Variants in CHIC1 observed in about 807,000 individuals in gnomAD.
CHIC1 encodes the protein cysteine-rich hydrophobic domain-containing protein 1.
CHIC1 carries 7 observed loss-of-function variants against 18.5 expected under a neutral mutation model. The ratio of observed to expected loss-of-function variants is 0.38; its 90% CI spans 0.22 to 0.71. The LOEUF (loss-of-function observed/expected upper bound fraction) is 0.71, where lower values mean the gene tolerates loss of function less well. CHIC1 is among the 30% of genes least tolerant of loss of function. The probability of loss-of-function intolerance (pLI) is 0.49; values close to 1 mark genes in which losing one functional copy is unlikely to be tolerated. For synonymous variants in CHIC1, 77 were observed against 73.5 expected (o/e 1.05, Z -0.25); for missense variants, 159 against 176.9 (o/e 0.90, Z 0.57).
intron 3 of CHIC1, among the ~76,000 whole-genome samples, chrX:73,652,032 AAGAC>A (rs1196224051): frequency 3.6e-5 from 4 of 111,610 alleles, no homozygotes; most frequent in African/African-American, 6.5e-5. Flanking sequence ...TACTGGTACC[AAGAC>A]AGACAGACCA....
intron 3 of CHIC1, among the ~76,000 whole-genome samples, chrX:73,677,597 A>G (rs2058073898): frequency 8.9e-6 from 1 of 111,886 alleles, no homozygotes; most frequent in Non-Finnish European, 1.9e-5. Context: ...AAAGCGCAGT[A>G]TTTGGGTGGG....
intron 3 of CHIC1, among the ~76,000 whole-genome samples, chrX:73,597,103 C>T (rs1384991530): frequency 8.9e-6 from 1 of 111,826 alleles, no homozygotes; most frequent in Non-Finnish European, 1.9e-5. Flanking sequence ...ACATTCCTAC[C>T]AGCAATGCAG....
chrX:73,680,463 T>G lies in CHIC1; in HGVS notation c.625-492T>G, dbSNP rs191786698. On this transcript the variant is annotated intron_variant, in intron 5 of 5. Transcript: ENST00000373502. ...ATTATGTTTTCAAACCTTTTGTAATTAATATGTTTTACTCAATCCATTTGG... is the reference window on the plus strand; with the variant it reads ...ATTATGTTTTCAAACCTTTTGTAATGAATATGTTTTACTCAATCCATTTGG... Among the ~76,000 whole-genome samples the G allele has an allele frequency of 3.6e-4, 40 of 111,642 alleles. 1 individual carries two copies. The East Asian group carries it at 0.011, about 30-fold the overall frequency.
intron 3 of CHIC1, among the ~76,000 whole-genome samples, chrX:73,644,960 G>C (rs903750166): frequency 8.9e-6 from 1 of 112,100 alleles, no homozygotes; most frequent in Non-Finnish European, 1.9e-5. Flanking sequence ...ACTCACACCC[G>C]GTGCGCTGCA....
intron 3 of CHIC1, among the ~76,000 whole-genome samples, chrX:73,659,725 C>G (rs779251810): frequency 4.5e-5 from 5 of 111,401 alleles, no homozygotes; most frequent in African/African-American, 6.5e-5. Flanking sequence ...AAATCAGGCA[C>G]TGATCAGTGT....
intron 3 of CHIC1, among the ~76,000 whole-genome samples, chrX:73,608,999 A>G (rs2057695447): frequency 9.4e-6 from 1 of 106,269 alleles, no homozygotes; most frequent in Non-Finnish European, 1.9e-5. Context: ...ACTATAAAAT[A>G]CAAAAATTAG....
At chrX:73,587,660 T>C (rs2057559833) in intron 3 of CHIC1, among the ~76,000 whole-genome samples, 1 of 111,439 alleles carries the variant, frequency 9.0e-6, no homozygotes, top group Admixed American at 9.5e-5. Context: ...AAATGCCCCA[T>C]CCATACATTA....
intron 3 of CHIC1, among the ~76,000 whole-genome samples, chrX:73,657,674 G>A (rs928353196): frequency 9.0e-6 from 1 of 111,602 alleles, no homozygotes; most frequent in Admixed American, 9.5e-5. Context: ...GAATGGTGAG[G>A]GGGCATTCTT....
chrX:73,569,303 T>G (rs776722849), intron 1 of CHIC1, among the ~76,000 whole-genome samples: 1 of 111,205 alleles, frequency 9.0e-6, no homozygotes, highest in African/African-American at 3.3e-5. Context: ...TGAAAAATGG[T>G]GAGAGGTATA....
At chrX:73,644,163 C>T (rs780736333) in intron 3 of CHIC1, among the ~76,000 whole-genome samples, 1 of 112,272 alleles carries the variant, frequency 8.9e-6, no homozygotes, top group Admixed American at 9.4e-5. Flanking sequence ...GTATCAGCAG[C>T]GGTGGCTGCA....
chrX:73,658,304 C>T (rs764803329), intron 3 of CHIC1, among the ~76,000 whole-genome samples: 9 of 76,450 alleles, frequency 1.2e-4, no homozygotes, highest in East Asian at 4.5e-4. Context: ...TTATTACGGC[C>T]GCAACTTCAG....
At chrX:73,621,374 G>C (rs1451275229) in intron 3 of CHIC1, among the ~76,000 whole-genome samples, 1 of 111,612 alleles carries the variant, frequency 9.0e-6, no homozygotes, top group Admixed American at 9.5e-5. Flanking sequence ...TCTTTTCCTT[G>C]AGCAGTGCTT....
chrX:73,587,766 C>T (rs1249440119), intron 3 of CHIC1, among the ~76,000 whole-genome samples: 1 of 111,388 alleles, frequency 9.0e-6, no homozygotes, highest in African/African-American at 3.3e-5. Flanking sequence ...TAATTTAGGC[C>T]TTTCATAAAA....
chrX:73,646,559 G>A lies in CHIC1; in HGVS notation c.508-32767G>A, dbSNP rs139893049. Among the ~76,000 whole-genome samples, 726 of 112,185 alleles carry A rather than the reference G, an allele frequency of 6.5e-3. 8 individuals are homozygous for A. Among genetic ancestry groups the A allele is most frequent in the African/African-American group, 0.022 (680 of 30,915 alleles). ...GATACAGATCTTTCACATCCTAAGT[G>A]AACTTTAATCCTGAGTACAGTTTTG... On this transcript the variant is annotated intron_variant, in intron 3 of 5. Coordinates refer to ENST00000373502, the MANE Select transcript of CHIC1 (RefSeq NM_001039840.4).
At chrX:73,638,827 G>C (rs1269478205) in intron 3 of CHIC1, among the ~76,000 whole-genome samples, 1 of 111,564 alleles carries the variant, frequency 9.0e-6, no homozygotes, top group Non-Finnish European at 1.9e-5. Flanking sequence ...ATGTCCTCCA[G>C]CTTCATCCAT....
intron 3 of CHIC1, among the ~76,000 whole-genome samples, chrX:73,649,858 A>G (rs1230437617): frequency 9.0e-6 from 1 of 111,184 alleles, no homozygotes; most frequent in Non-Finnish European, 1.9e-5. Flanking sequence ...CATCTAAAGA[A>G]CTCTCCACCC....
chrX:73,609,866 C>A (rs2057699649), intron 3 of CHIC1, among the ~76,000 whole-genome samples: 1 of 108,902 alleles, frequency 9.2e-6, no homozygotes, highest in Non-Finnish European at 1.9e-5. Flanking sequence ...TAACTATAGT[C>A]ACCTTAGTTG....
At chrX:73,592,802 G>T (rs1266040387) in intron 3 of CHIC1, among the ~76,000 whole-genome samples, 1 of 110,615 alleles carries the variant, frequency 9.0e-6, no homozygotes, top group Non-Finnish European at 1.9e-5. Flanking sequence ...CGTACTTCTG[G>T]TCGAATTCAG....
intron 3 of CHIC1, among the ~76,000 whole-genome samples, chrX:73,651,423 G>A (rs911614495): frequency 3.6e-5 from 4 of 110,995 alleles, no homozygotes; most frequent in Non-Finnish European, 7.5e-5. Context: ...CAAATAGGAA[G>A]AGAGGAAGTC....
Sources: gnomAD v4.1 joint callset for allele counts (sites outside exome capture counted in the v4.1 genomes callset) on GRCh38, gnomAD v4.1.1 for gene constraint, MANE v1.5 for transcripts, NCBI Gene and HGNC (gene_info 2026-07-23, HGNC 2026-07-21) for gene names.